The following CKAP5 variants were observed in gnomAD, a reference collection of about 807,000 sequenced individuals.
The protein encoded by CKAP5 is cytoskeleton-associated protein 5.
Under a neutral mutation model 232.8 loss-of-function variants are expected in CKAP5, and 27 were observed. The ratio of observed to expected loss-of-function variants is 0.12; its 90% CI spans 0.09 to 0.16. CKAP5 has a LOEUF of 0.16. Among genes scored for constraint, CKAP5 ranks in the 10% least tolerant of loss-of-function variants. The pLI, the probability that CKAP5 is intolerant of heterozygous loss-of-function variation, is 1.00. For synonymous variants in CKAP5, 785 were observed against 841.1 expected, an observed-to-expected ratio of 0.93 and a Z score of 1.16; for missense variants, 1,838 against 2,424.7, an observed-to-expected ratio of 0.76 and a Z score of 5.08.
chr11:46,778,945 C>T (rs984320882), intron 20 of CKAP5, among the ~76,000 whole-genome samples: 5 of 152,050 alleles, frequency 3.3e-5, no homozygotes, highest in South Asian at 4.2e-4. Context: ...CATGGTGGCA[C>T]GTGCGTGTAA....
Position 46,801,238 on chromosome 11 carries a change from C to G in CKAP5, c.1045G>C (p.Val349Leu), listed in dbSNP as rs1939024797. Reference sequence around the variant, plus strand: ...TGTCCAAATTTCTTCCTTAGCCCAACAGCCAGGCCAGTAAGACATTTTGCT... The same window carrying G: ...TGTCCAAATTTCTTCCTTAGCCCAAGAGCCAGGCCAGTAAGACATTTTGCT... ...LAAKCLTGLAVGLRKKFGQYA... is the reference protein window; with the variant it reads ...LAAKCLTGLALGLRKKFGQYA... The change falls in exon 9 of 44, where the codon GTT becomes CTT. Residue 349 changes from valine to leucine, a missense_variant. Val to Leu is a conservative substitution (Grantham distance 32). Coordinates refer to ENST00000529230, the MANE Select transcript of CKAP5 (RefSeq NM_001008938.4). 2 of 1,613,824 alleles carry G rather than the reference C, an allele frequency of 1.2e-6. No individual in the cohort carries two copies. The highest frequency in any genetic ancestry group is 1.7e-6 in the Non-Finnish European group (2 of 1,179,752).
chr11:46,758,980 G>A lies in CKAP5; in HGVS notation c.4632C>T (p.Phe1544=). The part of the protein sequence containing the change: ...MHSNTASTIN[F]IISQVASGDI... Reference sequence around the variant, plus strand: ...CACCACTGGCTACTTGGGAGATAATGAAATTGATTGTGGATGCTGTATTAC... The same window carrying A: ...CACCACTGGCTACTTGGGAGATAATAAAATTGATTGTGGATGCTGTATTAC... Residue 1544 remains phenylalanine, a synonymous_variant, in exon 35 of 44, where the codon TTC becomes TTT. Coordinates refer to ENST00000529230, the MANE Select transcript of CKAP5 (RefSeq NM_001008938.4). 2 of 1,613,594 alleles carry A rather than the reference G, an allele frequency of 1.2e-6. No homozygotes were observed. Among genetic ancestry groups the A allele is most frequent in the Non-Finnish European group, 1.7e-6 (2 of 1,179,926 alleles).
At position 46,811,159 on chromosome 11, in the gene CKAP5, T is replaced by C; in HGVS notation, c.478A>G (p.Ile160Val). The part of the protein sequence containing the change: ...KALSEFGSKI[I>V]LLKPIIKVLP... ...ACTTTGATAATTGGCTTAAGCAAGA[T>C]GATTTTGGAACCAAATTCACTACAA... is the stretch of plus-strand genomic sequence containing the variant. Residue 160 changes from isoleucine to valine, a missense_variant, in exon 5 of 44, where the codon ATC becomes GTC. By Grantham distance (29) the Ile-to-Val change is conservative (BLOSUM62 3). Around this residue, in one of 6 missense-constraint regions of CKAP5, gnomAD observed 285 missense variants for 300.0 expected, o/e 0.95. Coordinates refer to ENST00000529230, the MANE Select transcript of CKAP5 (RefSeq NM_001008938.4). The C allele has an allele frequency of 6.2e-7, 1 of 1,612,804 alleles. No homozygotes were observed. Among genetic ancestry groups the C allele is most frequent in the Non-Finnish European group, 8.5e-7 (1 of 1,179,616 alleles).
In CKAP5 at chr11:46,796,830, G is replaced by A. The variant is rs767084464; in HGVS notation, c.1449C>T (p.Asp483=). 1.2e-6 allele frequency: 2 copies of A among 1,613,930 alleles called. No homozygotes were observed. Residue 483 remains aspartate, a synonymous_variant, in exon 12 of 44, where the codon GAC becomes GAT. Coordinates refer to ENST00000529230, the MANE Select transcript of CKAP5 (RefSeq NM_001008938.4). ...KAVNPFLADV[D]KLKLDKIKEC... ...AACCTACCTTATCAAGCTTGAGTTT[G>A]TCCACATCAGCTAGGAATGGGTTTA...
At chr11:46,767,053 G>A (rs1403443211) in intron 27 of CKAP5, among the ~76,000 whole-genome samples, 3 of 146,998 alleles carry the variant, frequency 2.0e-5, no homozygotes, top group African/African-American at 5.1e-5. Context: ...CCTGAGTCTC[G>A]CTCTGTCATC....
chr11:46,816,121 T>G, intron 4 of CKAP5, 77 bp downstream of exon 4: 1 of 1,173,942 alleles, frequency 8.5e-7, no homozygotes, highest in Non-Finnish European at 1.2e-6. Context: ...AAAAATTGTC[T>G]TCCATGAAAC....
In CKAP5 at chr11:46,818,480, C is replaced by T; in HGVS notation, c.81G>A (p.Gly27=). 1 of 1,583,970 alleles carries T rather than the reference C, an allele frequency of 6.3e-7. No homozygotes were observed. Among genetic ancestry groups the T allele is most frequent in the Non-Finnish European group, 8.5e-7 (1 of 1,170,572 alleles). ...EHKLWKARLS[G]YEEALKIFQK... ...GGAAGATCTTCAGGGCCTCTTCATA[C>T]CCACTTAACCTTGCTTTCCACAGCT... is the stretch of plus-strand genomic sequence containing the variant. Residue 27 remains glycine (G), a synonymous_variant, in exon 3 of 44, where the codon GGG becomes GGA. Transcript: ENST00000529230.
chr11:46,809,830 A>G lies in CKAP5; in HGVS notation c.675T>C (p.Ala225=), dbSNP rs1189903513. Residue 225 remains alanine, a synonymous_variant, in exon 6 of 44, where the codon GCT becomes GCC. Coordinates refer to ENST00000529230, the MANE Select transcript of CKAP5 (RefSeq NM_001008938.4). The part of the protein sequence containing the change: ...EEEWVKLPTS[A]PRPTRFLRSQ... ...AACGAAGAAATCGAGTAGGTCTAGG[A>G]GCACTTGTTGGCAGTTTGACCCATT... 2.5e-6 allele frequency: 4 copies of G among 1,613,612 alleles called. No homozygotes were observed. The highest frequency in any genetic ancestry group is 3.4e-6 in the Non-Finnish European group (4 of 1,179,842).
intron 1 of CKAP5, among the ~76,000 whole-genome samples, chr11:46,830,149 A>G (rs1939747784): frequency 6.6e-6 from 1 of 152,032 alleles, no homozygotes; most frequent in Non-Finnish European, 1.5e-5. Context: ...GAGAAAGATT[A>G]GAATAGAGTA....
chr11:46,790,380 C>T (rs930358859), intron 14 of CKAP5, 90 bp downstream of exon 14: 30 of 982,868 alleles, frequency 3.1e-5, no homozygotes, highest in Non-Finnish European at 3.8e-5. Flanking sequence ...ATTAACTGTA[C>T]GTTGTAGAAC....
chr11:46,760,874 C>T (rs1490408105), intron 32 of CKAP5, 90 bp from the exon 33 acceptor site: 12 of 1,158,506 alleles, frequency 1.0e-5, no homozygotes, highest in Non-Finnish European at 1.5e-5. Context: ...TATGTTAGGA[C>T]ATGTTTACTT....
intron 34 of CKAP5, 83 bp downstream of exon 34, chr11:46,759,186 C>T: frequency 6.6e-7 from 1 of 1,516,978 alleles, no homozygotes; most frequent in Non-Finnish European, 8.9e-7. Flanking sequence ...AAAGTTTTAA[C>T]TGCACATTAC....
Position 46,760,795 on chromosome 11 carries a change from G to A in CKAP5, c.4222-11C>T. 6.2e-7 allele frequency: 1 copy of A among 1,609,304 alleles called. No individual in the cohort carries two copies. The highest frequency in any genetic ancestry group is 8.5e-7 in the Non-Finnish European group (1 of 1,178,084). On this transcript the variant is annotated splice_polypyrimidine_tract_variant and intron_variant, in intron 32 of 43. Coordinates refer to ENST00000529230, the MANE Select transcript of CKAP5 (RefSeq NM_001008938.4). The stretch of plus-strand genomic sequence containing the variant: ...ATCCTTTTCAGAAAGCTGTAAAGAG[G>A]CCAAATTTAGAAACCTAACTGGATA...
chr11:46,780,271 C>A lies in CKAP5; in HGVS notation c.2356G>T (p.Val786Phe). The change falls in exon 20 of 44, where the codon GTT (valine) becomes TTT (phenylalanine). Residue 786 changes from valine to phenylalanine, a missense_variant. Physicochemically the swap from Val to Phe is conservative, Grantham distance 50. This residue lies in a region of CKAP5 where 767 missense variants were observed against 954.6 expected (regional missense o/e 0.80). Coordinates refer to ENST00000529230, the MANE Select transcript of CKAP5 (RefSeq NM_001008938.4). ...AAGAACATTCGCAAAGAGGGACCAACATACAGATACATCACGCCAAGCAGG... is the reference window on the plus strand; with the variant it reads ...AAGAACATTCGCAAAGAGGGACCAAAATACAGATACATCACGCCAAGCAGG... Reference protein sequence around the residue: ...ITLLGVMYLYVGPSLRMFFED... With the variant: ...ITLLGVMYLYFGPSLRMFFED... 1 of 1,614,102 alleles carries A rather than the reference C, an allele frequency of 6.2e-7. No individual in the cohort carries two copies. Among genetic ancestry groups the A allele is most frequent in the Admixed American group, 1.7e-5 (1 of 60,016 alleles).
At chr11:46,837,736 A>AG (rs1209177109) in intron 1 of CKAP5, among the ~76,000 whole-genome samples, 7 of 152,244 alleles carry the variant, frequency 4.6e-5, no homozygotes, top group African/African-American at 1.7e-4. Context: ...AGCTGGAACA[A>AG]CCTGAACAAC....
Position 46,744,278 on chromosome 11 carries a change from G to A in CKAP5, c.5857-13C>T. Reference sequence around the variant, plus strand: ...GTCGGTCATCTTGCTATTGAGAGAAGGAGAGAGATTGTCTAAGGTCAGGTC... The same window carrying A: ...GTCGGTCATCTTGCTATTGAGAGAAAGAGAGAGATTGTCTAAGGTCAGGTC... On this transcript the variant is annotated splice_polypyrimidine_tract_variant and intron_variant, in intron 43 of 43. Transcript: ENST00000529230. The A allele has an allele frequency of 6.2e-7, 1 of 1,613,974 alleles. No homozygotes were observed. The highest frequency in any genetic ancestry group is 2.2e-5 in the East Asian group (1 of 44,878).
chr11:46,831,362 C>G (rs942616609), intron 1 of CKAP5, among the ~76,000 whole-genome samples: 1 of 152,124 alleles, frequency 6.6e-6, no homozygotes, highest in African/African-American at 2.4e-5. Context: ...TGCCTATACT[C>G]ATCCCATAGG....
intron 42 of CKAP5, among the ~76,000 whole-genome samples, chr11:46,749,819 C>T (rs571928047): frequency 9.9e-5 from 15 of 151,664 alleles, no homozygotes; most frequent in African/African-American, 1.7e-4. Context: ...GGCGTGGTGG[C>T]GCATGCCTGT....
intron 34 of CKAP5, 113 bp from the exon 35 acceptor site, chr11:46,759,156 C>T: frequency 6.7e-7 from 1 of 1,502,538 alleles, no homozygotes; most frequent in South Asian, 1.3e-5. Context: ...TGCTATCATT[C>T]AAAAAATAAT....
Sources: allele counts gnomAD v4.1 joint callset (sites outside exome capture counted in the v4.1 genomes callset), GRCh38; gene constraint gnomAD v4.1.1; regional missense constraint gnomAD v4.1.1; transcripts MANE v1.5; gene names NCBI Gene and HGNC (gene_info 2026-07-23, HGNC 2026-07-21).